PDK3: variants seen among roughly 807,000 people sequenced by gnomAD.
The protein encoded by PDK3 is pyruvate dehydrogenase kinase, isozyme 3.
In PDK3, 12 loss-of-function variants were observed where a neutral mutation model predicts 32.0. The ratio of observed to expected loss-of-function variants is 0.37; its 90% confidence interval spans 0.24 to 0.61. PDK3 has a LOEUF of 0.61. Ranked by LOEUF, PDK3 falls within the 20% of genes least tolerant of loss-of-function variation. The pLI, the probability that PDK3 is intolerant of heterozygous loss-of-function variation, is 0.65. For missense variants in PDK3, 188 were observed against 316.9 expected (o/e 0.59, Z 3.09); for synonymous variants, 122 against 116.3 (o/e 1.05, Z -0.31).
intron 2 of PDK3, among the ~76,000 whole-genome samples, chrX:24,496,161 A>T (rs1921693513): frequency 9.0e-6 from 1 of 110,860 alleles, no homozygotes; most frequent in South Asian, 3.8e-4. Flanking sequence ...TTCCTACTTA[A>T]CAGAAGGGTT....
chrX:24,528,029 A>G (rs1922564801), intron 8 of PDK3, 47 bp from the exon 9 acceptor site: 1 of 742,102 alleles, frequency 1.3e-6, no homozygotes, highest in Non-Finnish European at 2.1e-6. Context: ...CCTACTAAGT[A>G]TAGATCAACT....
rs772965080 is a variant in PDK3, at chrX:24,514,202, G to T, written c.596-4731G>T. ...ATTTCTTAAAACGGATTCATGGCTA[G>T]TTTGGTTCTGTTGGGCTGATTGCTG... is the stretch of plus-strand genomic sequence containing the variant. On this transcript the variant is annotated intron_variant, in intron 5 of 10. Coordinates refer to ENST00000379162, the MANE Select transcript of PDK3 (RefSeq NM_005391.5). Among the ~76,000 whole-genome samples, 7 of 112,355 alleles carry T rather than the reference G, an allele frequency of 6.2e-5. No homozygotes were observed. In the South Asian group the frequency reaches 2.6e-3, roughly 41 times the overall value.
At chrX:24,509,297 C>T (rs1436576840) in intron 5 of PDK3, among the ~76,000 whole-genome samples, 2 of 111,314 alleles carry the variant, frequency 1.8e-5, no homozygotes, top group African/African-American at 6.5e-5. Flanking sequence ...ACAGCTTTAT[C>T]TTTAGTCTTT....
At chrX:24,545,053 A>G (rs893660278) in exon 12 of PDK3, among the ~76,000 whole-genome samples, 1 of 112,309 alleles carries the variant, frequency 8.9e-6, no homozygotes, top group Non-Finnish European at 1.9e-5. Context: ...TAGAGGACAT[A>G]TGACATTTTA....
chrX:24,532,083 T>C (rs2148203458), intron 10 of PDK3, among the ~76,000 whole-genome samples: 1 of 111,056 alleles, frequency 9.0e-6, no homozygotes, highest in East Asian at 2.8e-4. Flanking sequence ...CTGGCCAACA[T>C]GGTGAAACCC....
intron 1 of PDK3, among the ~76,000 whole-genome samples, chrX:24,486,570 A>G (rs770268089): frequency 1.2e-4 from 13 of 111,414 alleles, no homozygotes; most frequent in Admixed American, 2.9e-4. Context: ...TTTGATAGGG[A>G]ATAAAGTGTG....
intron 6 of PDK3, among the ~76,000 whole-genome samples, chrX:24,523,893 A>T (rs1252306932): frequency 8.9e-6 from 1 of 111,946 alleles, no homozygotes; most frequent in Non-Finnish European, 1.9e-5. Context: ...CATACAGTGA[A>T]TCCGGTTCTT....
At chrX:24,474,893 C>A (rs1282193662) in intron 1 of PDK3, among the ~76,000 whole-genome samples, 1 of 112,153 alleles carries the variant, frequency 8.9e-6, no homozygotes, top group African/African-American at 3.2e-5. Context: ...CGGCCAGTTT[C>A]CGCATTCTTA....
intron 8 of PDK3, among the ~76,000 whole-genome samples, 154 bp downstream of exon 8, chrX:24,527,829 C>T (rs1922560319): frequency 1.8e-5 from 2 of 111,740 alleles, no homozygotes; most frequent in Non-Finnish European, 3.8e-5. Flanking sequence ...CTTATTTAAA[C>T]TTCATTAGAA....
intron 5 of PDK3, among the ~76,000 whole-genome samples, chrX:24,506,342 C>T (rs758866042): frequency 1.8e-5 from 2 of 112,054 alleles, no homozygotes; most frequent in South Asian, 3.7e-4. Context: ...CAAAGGCCTC[C>T]GGGGGCAAGG....
chrX:24,473,862 T>A (rs1226710703), intron 1 of PDK3, among the ~76,000 whole-genome samples: 1 of 112,201 alleles, frequency 8.9e-6, no homozygotes, highest in East Asian at 2.8e-4. Context: ...GGCTCCTTGT[T>A]ATATTTGCAC....
At chrX:24,506,801 C>CTTTTTTTTTTTTTTTTTTTT (rs10682263) in intron 5 of PDK3, among the ~76,000 whole-genome samples, 2 of 49,493 alleles carry the variant, frequency 4.0e-5, no homozygotes, top group African/African-American at 8.7e-5. Context: ...TTTTTTCTTT[C>CTTTTTTTTTTTTTTTTTTTT]TTTTTTTTTT....
intron 1 of PDK3, among the ~76,000 whole-genome samples, chrX:24,480,193 G>A (rs1396417536): frequency 8.9e-6 from 1 of 111,808 alleles, no homozygotes; most frequent in Non-Finnish European, 1.9e-5. Context: ...AAGATCATCT[G>A]AAAGTGAAAG....
chrX:24,527,952 G>A lies in PDK3; in HGVS notation c.853-124G>A. 3 of 478,566 alleles carry A rather than the reference G, an allele frequency of 6.3e-6. No homozygotes were observed. In the East Asian group the frequency reaches 1.1e-4, roughly 17 times the overall value. 39.4% of individuals were successfully genotyped at this position (478,566 alleles called of 1,213,427 possible). ...TCACAAAGGAACCGTATGTCACTGG[G>A]GGATTCAAAGTCCTTGTACATTGTG... On this transcript the variant is annotated intron_variant, in intron 8 of 10. Coordinates refer to ENST00000379162, the MANE Select transcript of PDK3 (RefSeq NM_005391.5).
intron 9 of PDK3, among the ~76,000 whole-genome samples, chrX:24,528,838 C>T (rs1292982301): frequency 9.0e-6 from 1 of 111,698 alleles, no homozygotes; most frequent in Non-Finnish European, 1.9e-5. Context: ...CACTTGCTTC[C>T]CCTGCTGAGT....
At chrX:24,513,701 T>C (rs1016791140) in intron 5 of PDK3, 4 of 111,601 alleles carry the variant, frequency 3.6e-5, no homozygotes, top group Non-Finnish European at 5.6e-5. Context: ...ATCAAGGAAG[T>C]GAGACACTAT....
intron 3 of PDK3, among the ~76,000 whole-genome samples, chrX:24,503,002 A>G (rs1921897975): frequency 9.1e-6 from 1 of 109,763 alleles, no homozygotes; most frequent in Non-Finnish European, 1.9e-5. Context: ...TTCTTTATTC[A>G]ACTTTTATAG....
chrX:24,535,242 C>T (rs1028868273), downstream of PDK3, among the ~76,000 whole-genome samples: 1 of 111,829 alleles, frequency 8.9e-6, no homozygotes, highest in African/African-American at 3.3e-5. Context: ...CAGTGGCTCA[C>T]GCCAGTAACC....
intron 9 of PDK3, among the ~76,000 whole-genome samples, chrX:24,529,692 G>C (rs1316486004): frequency 4.6e-5 from 5 of 107,787 alleles, no homozygotes; most frequent in Non-Finnish European, 9.6e-5. Context: ...CTGGGAGGTG[G>C]AGATTGCAGT....
Sources: gnomAD v4.1 joint callset for allele counts (sites outside exome capture counted in the v4.1 genomes callset) on GRCh38, gnomAD v4.1.1 for gene constraint, MANE v1.5 for transcripts, NCBI Gene and HGNC (gene_info 2026-07-23, HGNC 2026-07-21) for gene names.